LCLAT1: variants seen among roughly 807,000 people sequenced by gnomAD.
The protein encoded by LCLAT1 is lysocardiolipin acyltransferase 1.
LCLAT1 carries 11 observed loss-of-function variants against 30.7 expected under a neutral mutation model. That is an observed-to-expected ratio of 0.36 (90% CI 0.23 to 0.59). The LOEUF is 0.59. Ranked by LOEUF, LCLAT1 falls within the 20% of genes least tolerant of loss-of-function variation. The probability of loss-of-function intolerance (pLI) is 0.77; values close to 1 mark genes in which losing one functional copy is unlikely to be tolerated. For synonymous variants in LCLAT1, 155 were observed against 151.3 expected, an observed-to-expected ratio of 1.02 and a Z score of -0.18; for missense variants, 402 against 458.6, an observed-to-expected ratio of 0.88 and a Z score of 1.13.
intron 5 of LCLAT1, among the ~76,000 whole-genome samples, chr2:30,591,666 CAA>C (rs932290989): frequency 3.9e-5 from 6 of 151,998 alleles, no homozygotes; most frequent in African/African-American, 1.5e-4. Flanking sequence ...CTGAAAAAAC[CAA>C]AGTTAATAAA....
intron 5 of LCLAT1, among the ~76,000 whole-genome samples, chr2:30,613,167 G>T (rs1667822655): frequency 6.6e-6 from 1 of 152,126 alleles, no homozygotes; most frequent in Non-Finnish European, 1.5e-5. Flanking sequence ...CAGTAGCAGA[G>T]AATGAGGGCA....
intron 1 of LCLAT1, among the ~76,000 whole-genome samples, chr2:30,477,087 TTTAGTGAATCAAC>T (rs1683081328): frequency 1.3e-5 from 2 of 152,206 alleles, no homozygotes; most frequent in East Asian, 3.8e-4. Context: ...TTCTTTGATG[TTTAGTGAATCAAC>T]GCTTGTTCCT....
At chr2:30,527,464 A>C (rs1263817948) in intron 2 of LCLAT1, among the ~76,000 whole-genome samples, 1 of 152,224 alleles carries the variant, frequency 6.6e-6, no homozygotes, top group Non-Finnish European at 1.5e-5. Flanking sequence ...TTTCTGCCAA[A>C]ACCTTGAGAG....
chr2:30,489,618 C>T (rs1182004190), intron 1 of LCLAT1, among the ~76,000 whole-genome samples: 1 of 152,204 alleles, frequency 6.6e-6, no homozygotes, highest in African/African-American at 2.4e-5. Flanking sequence ...TCCCAAAGTG[C>T]TGGGATTACA....
intron 3 of LCLAT1, among the ~76,000 whole-genome samples, chr2:30,555,640 A>G (rs944590790): frequency 2.0e-5 from 3 of 152,090 alleles, no homozygotes; most frequent in African/African-American, 4.8e-5. Flanking sequence ...TTAATTAGTG[A>G]TAGAATTGAG....
intron 1 of LCLAT1, among the ~76,000 whole-genome samples, chr2:30,493,291 G>T (rs1486406925): frequency 1.3e-5 from 2 of 152,108 alleles, no homozygotes; most frequent in Non-Finnish European, 2.9e-5. Context: ...GTCTGACTTT[G>T]TTATAACTTG....
chr2:30,530,937 T>A (rs844194), intron 2 of LCLAT1, among the ~76,000 whole-genome samples: 4 of 151,872 alleles, frequency 2.6e-5, no homozygotes, highest in Admixed American at 1.3e-4. Flanking sequence ...CATATATAGG[T>A]TTAGATTTGA....
chr2:30,525,725 C>T lies in LCLAT1; in HGVS notation c.135C>T (p.Arg45=), dbSNP rs150526082. ...NPSWYRWINN[R]LVATWLTLPV... ...CTTGGTATCGCTGGATCAACAACCG[C>T]CTTGTGGCAACATGGCTCACCCTAC... Residue 45 remains arginine (R), a synonymous_variant, in exon 2 of 6, where the codon CGC becomes CGT. Transcript: ENST00000379509. 14 of 1,614,102 alleles carry T rather than the reference C, an allele frequency of 8.7e-6. No homozygotes were observed. In the African/African-American group the frequency reaches 1.7e-4, roughly 20 times the overall value.
intron 5 of LCLAT1, among the ~76,000 whole-genome samples, chr2:30,629,800 A>G (rs1328078006): frequency 6.6e-6 from 1 of 152,026 alleles, no homozygotes; most frequent in East Asian, 1.9e-4. Flanking sequence ...AAATATGAAA[A>G]CTTTTTTTAA....
rs545122981 is a variant in LCLAT1, at chr2:30,562,541, G to A, written c.511+249G>A. 8.0e-5 allele frequency among the ~76,000 whole-genome samples: 12 copies of A among 150,572 alleles called. No individual in the cohort carries two copies. The East Asian group carries it at 2.3e-3, about 29-fold the overall frequency. On this transcript the variant is annotated intron_variant, in intron 4 of 5. Coordinates refer to ENST00000379509, the MANE Select transcript of LCLAT1 (RefSeq NM_001002257.3). ...ACAAAACAAAACAGAAAAATTAATG[G>A]CTCATCCCTAAGGTCACTCAGTTAA...
At chr2:30,516,519 G>A (rs1484170955) in intron 1 of LCLAT1, among the ~76,000 whole-genome samples, 3 of 152,128 alleles carry the variant, frequency 2.0e-5, no homozygotes, top group African/African-American at 7.2e-5. Flanking sequence ...TAGTCGCTGG[G>A]TTCCACGGTT....
chr2:30,520,036 C>T (rs552966003), intron 1 of LCLAT1, among the ~76,000 whole-genome samples: 19 of 152,294 alleles, frequency 1.2e-4, no homozygotes, highest in South Asian at 4.1e-4. Context: ...GCTAAGTGCG[C>T]GGGTTTGTCC....
intron 1 of LCLAT1, among the ~76,000 whole-genome samples, chr2:30,517,343 A>T (rs1454458510): frequency 6.6e-6 from 1 of 152,178 alleles, no homozygotes; most frequent in East Asian, 1.9e-4. Context: ...TTAGGTATAC[A>T]GCCCTCGACG....
intron 1 of LCLAT1, among the ~76,000 whole-genome samples, chr2:30,513,792 T>C (rs1442176073): frequency 6.6e-6 from 1 of 152,198 alleles, no homozygotes; most frequent in African/African-American, 2.4e-5. Context: ...ACCATTTGTC[T>C]CTTATCTACC....
chr2:30,587,285 GA>G (rs1666486452), intron 5 of LCLAT1, among the ~76,000 whole-genome samples: 1 of 151,764 alleles, frequency 6.6e-6, no homozygotes, highest in Non-Finnish European at 1.5e-5. Flanking sequence ...TTTTTTAATA[GA>G]ACTTCTAGGC....
At chr2:30,587,590 T>G (rs562307146) in intron 5 of LCLAT1, among the ~76,000 whole-genome samples, 18 of 152,220 alleles carry the variant, frequency 1.2e-4, no homozygotes, top group Non-Finnish European at 2.4e-4. Flanking sequence ...ATTTTATGTT[T>G]ATAAAAATAG....
intron 5 of LCLAT1, among the ~76,000 whole-genome samples, chr2:30,580,392 A>G (rs1487541191): frequency 6.6e-6 from 1 of 152,192 alleles, no homozygotes; most frequent in Non-Finnish European, 1.5e-5. Context: ...CTTTGAACGT[A>G]AAATCTGAGA....
chr2:30,566,155 T>C (rs1364884870), intron 4 of LCLAT1, among the ~76,000 whole-genome samples: 1 of 152,218 alleles, frequency 6.6e-6, no homozygotes, highest in African/African-American at 2.4e-5. Context: ...TCTACATCTC[T>C]AATCTCTCTG....
chr2:30,552,523 G>A (rs955900925), intron 3 of LCLAT1: 3 of 448,622 alleles, frequency 6.7e-6, no homozygotes, highest in African/African-American at 6.0e-5. Context: ...AATGATACAG[G>A]CATACTACAA....
Sources: allele counts gnomAD v4.1 joint callset (sites outside exome capture counted in the v4.1 genomes callset), GRCh38; gene constraint gnomAD v4.1.1; transcripts MANE v1.5; gene names NCBI Gene and HGNC (gene_info 2026-07-23, HGNC 2026-07-21).